Variants in CAMKMT observed in about 807,000 individuals in gnomAD.
CAMKMT encodes CaM KMT.
A neutral mutation model predicts 48.0 loss-of-function variants in CAMKMT; 53 were observed. The observed-to-expected ratio is 1.10, with a 90% CI of 0.89 to 1.39. The LOEUF (loss-of-function observed/expected upper bound fraction) is 1.39. Ranked by LOEUF, CAMKMT falls within the 40% of genes most tolerant of loss-of-function variation. The pLI is 0.00. For synonymous variants in CAMKMT, 165 were observed against 152.3 expected, an observed-to-expected ratio of 1.08 and a Z score of -0.61; for missense variants, 428 against 402.7, an observed-to-expected ratio of 1.06 and a Z score of -0.54.
intron 2 of CAMKMT, among the ~76,000 whole-genome samples, chr2:44,386,752 C>T (rs891045827): frequency 5.9e-5 from 9 of 152,032 alleles, no homozygotes; most frequent in Non-Finnish European, 1.3e-4. Context: ...TTTTAATTTC[C>T]ACCTTGATTT....
intron 3 of CAMKMT, among the ~76,000 whole-genome samples, chr2:44,573,986 C>G (rs1158530431): frequency 6.6e-6 from 1 of 152,050 alleles, no homozygotes. Context: ...TCTGATTATT[C>G]TCTGTAAATT....
At chr2:44,664,881 C>A (rs1674874023) in intron 3 of CAMKMT, among the ~76,000 whole-genome samples, 1 of 152,124 alleles carries the variant, frequency 6.6e-6, no homozygotes, top group South Asian at 2.1e-4. Flanking sequence ...ATGCAAGAAA[C>A]TGGCAGGTGG....
At chr2:44,691,198 C>T (rs149965410) in intron 3 of CAMKMT, among the ~76,000 whole-genome samples, 5 of 152,290 alleles carry the variant, frequency 3.3e-5, no homozygotes, top group Middle Eastern at 3.4e-3. Context: ...TAAGCCACTG[C>T]GGTGATGGCT....
At chr2:44,678,566 A>T (rs1430480865) in intron 3 of CAMKMT, among the ~76,000 whole-genome samples, 1 of 152,244 alleles carries the variant, frequency 6.6e-6, no homozygotes, top group Non-Finnish European at 1.5e-5. Context: ...CAAATTCTAA[A>T]GACCAATTGC....
chr2:44,455,783 T>A (rs1017580602), intron 3 of CAMKMT, among the ~76,000 whole-genome samples: 1 of 151,904 alleles, frequency 6.6e-6, no homozygotes, highest in East Asian at 1.9e-4. Flanking sequence ...CTATTTTTTT[T>A]AATGCAAAAA....
chr2:44,439,928 TACTG>T (rs1222173483), intron 3 of CAMKMT, among the ~76,000 whole-genome samples: 6 of 152,100 alleles, frequency 3.9e-5, no homozygotes, highest in Non-Finnish European at 8.8e-5. Context: ...ACAACAGAGT[TACTG>T]AATGAAACCC....
intron 3 of CAMKMT, among the ~76,000 whole-genome samples, chr2:44,476,379 T>C (rs570754064): frequency 6.6e-6 from 1 of 152,290 alleles, no homozygotes; most frequent in South Asian, 2.1e-4. Context: ...TTGCATAGTA[T>C]AACATATTCT....
intron 6 of CAMKMT, 42 bp downstream of exon 6, chr2:44,707,504 C>T (rs779882932): frequency 8.4e-6 from 13 of 1,543,360 alleles, no homozygotes; most frequent in African/African-American, 1.4e-5. Context: ...TGTGCTCATT[C>T]CTTTTTCCTG....
At chr2:44,437,735 A>C (rs1666357379) in intron 3 of CAMKMT, among the ~76,000 whole-genome samples, 1 of 151,210 alleles carries the variant, frequency 6.6e-6, no homozygotes, top group Non-Finnish European at 1.5e-5. Flanking sequence ...AGACCCAGCT[A>C]CTCGGGAGGT....
chr2:44,482,474 G>C (rs1399567248), intron 3 of CAMKMT, among the ~76,000 whole-genome samples: 1 of 152,120 alleles, frequency 6.6e-6, no homozygotes, highest in African/African-American at 2.4e-5. Context: ...ATTTGATAAT[G>C]ATTGAGCTTT....
In CAMKMT at chr2:44,707,443, G is replaced by A. The variant is rs1677623686; in HGVS notation, c.537G>A (p.Gly179=). 1 of 1,612,192 alleles carries A rather than the reference G, an allele frequency of 6.2e-7. No homozygotes were observed. The highest frequency in any genetic ancestry group is 1.7e-5 in the Admixed American group (1 of 59,870). The change falls in exon 6 of 11, where the codon GGG becomes GGA. Residue 179 remains glycine (G), a synonymous_variant. Transcript: ENST00000378494. ...TCAAAGAAGTTCTGTTAACTGATGGGAATGAAAAGGCCATCAGAAGTATCC... is the reference window on the plus strand; with the variant it reads ...TCAAAGAAGTTCTGTTAACTGATGGAAATGAAAAGGCCATCAGAAGTATCC... ...ADVKEVLLTD[G]NEKAIRNVQD...
intron 3 of CAMKMT, among the ~76,000 whole-genome samples, chr2:44,667,549 T>C (rs1675067160): frequency 6.6e-6 from 1 of 152,216 alleles, no homozygotes; most frequent in Non-Finnish European, 1.5e-5. Flanking sequence ...TCTTCCTCTT[T>C]GTCATTATTC....
intron 2 of CAMKMT, among the ~76,000 whole-genome samples, chr2:44,382,232 C>G (rs1085492): frequency 0.7 from 106,940 of 151,856 alleles, 38,296 homozygotes; most frequent in Middle Eastern, 0.81. Context: ...CGTGAGTCAT[C>G]TTGCATTTTG....
At position 44,707,488 on chromosome 2, in the gene CAMKMT, G is replaced by A. The variant is rs755903284; in HGVS notation, c.556+26G>A. On this transcript the variant is annotated intron_variant, in intron 6 of 10. Transcript: ENST00000378494. ...GTATCCTTATTCAGATAGAAAACGG[G>A]TTTGTTGTGCTCATTCCTTTTTCCT... 29 of 1,599,330 alleles carry A rather than the reference G, an allele frequency of 1.8e-5. No homozygotes were observed. The African/African-American group carries it at 3.4e-4, about 19-fold the overall frequency.
At chr2:44,614,935 G>GTTTTT (rs1671789368) in intron 3 of CAMKMT, among the ~76,000 whole-genome samples, 1 of 33,880 alleles carries the variant, frequency 3.0e-5, no homozygotes, top group Non-Finnish European at 6.2e-5. Flanking sequence ...TGGTCTCCTT[G>GTTTTT]CTTTTTTTTT....
chr2:44,592,114 A>C (rs1004801949), intron 3 of CAMKMT, among the ~76,000 whole-genome samples: 1 of 152,062 alleles, frequency 6.6e-6, no homozygotes, highest in Non-Finnish European at 1.5e-5. Flanking sequence ...CCTAATGCTA[A>C]ATGACGAGTT....
At chr2:44,710,563 T>G (rs1188506042) in intron 6 of CAMKMT, among the ~76,000 whole-genome samples, 1 of 152,134 alleles carries the variant, frequency 6.6e-6, no homozygotes, top group Admixed American at 6.6e-5. Flanking sequence ...ATGGGATCAT[T>G]TGGTTTGTCC....
At chr2:44,471,444 A>G (rs1244106044) in intron 3 of CAMKMT, among the ~76,000 whole-genome samples, 2 of 152,154 alleles carry the variant, frequency 1.3e-5, no homozygotes, top group East Asian at 3.9e-4. Flanking sequence ...AAAAATATAT[A>G]CAAAATTTAG....
intron 10 of CAMKMT, among the ~76,000 whole-genome samples, chr2:44,771,819 A>T (rs549155718): frequency 1.3e-5 from 2 of 152,230 alleles, no homozygotes; most frequent in Admixed American, 6.5e-5. Flanking sequence ...TATGAAAAAA[A>T]CCCTACCCAC....
Sources: gnomAD v4.1 joint callset for allele counts (sites outside exome capture counted in the v4.1 genomes callset) on GRCh38, gnomAD v4.1.1 for gene constraint, MANE v1.5 for transcripts, NCBI Gene and HGNC (gene_info 2026-07-23, HGNC 2026-07-21) for gene names.